CDH4: variants seen among roughly 807,000 people sequenced by gnomAD.
CDH4 encodes cadherin 4, also known as cadherin-4.
A neutral mutation model predicts 86.0 loss-of-function variants in CDH4; 33 were observed. That is an observed-to-expected ratio of 0.38 (90% confidence interval 0.29 to 0.51). The LOEUF (loss-of-function observed/expected upper bound fraction) is 0.51. Among genes scored for constraint, CDH4 ranks in the 20% least tolerant of loss-of-function variants. The pLI is 0.86. For missense variants in CDH4, 1,114 were observed against 1,307.4 expected, an observed-to-expected ratio of 0.85 and a Z score of 2.28; for synonymous variants, 555 against 549.4, an observed-to-expected ratio of 1.01 and a Z score of -0.14.
intron 2 of CDH4, among the ~76,000 whole-genome samples, chr20:61,336,295 T>C (rs1051042662): frequency 8.5e-5 from 13 of 152,178 alleles, no homozygotes; most frequent in African/African-American, 3.1e-4. Context: ...ATGAGTGATG[T>C]GTATAAAATA....
chr20:61,580,602 G>A (rs1430231109), intron 2 of CDH4, among the ~76,000 whole-genome samples: 7 of 151,626 alleles, frequency 4.6e-5, no homozygotes, highest in Admixed American at 4.0e-4. Context: ...CTTGCTGTGC[G>A]CTGAAGGCAG....
chr20:61,344,225 T>G (rs909533362), intron 2 of CDH4, among the ~76,000 whole-genome samples: 25 of 152,108 alleles, frequency 1.6e-4, no homozygotes, highest in Non-Finnish European at 3.7e-4. Flanking sequence ...GATGCTTTGT[T>G]TTTTGTGTGT....
Position 61,807,267 on chromosome 20 carries a change from A to G in CDH4, c.576+34085A>G, listed in dbSNP as rs905597697. Among the ~76,000 whole-genome samples the G allele has an allele frequency of 1.4e-4, 21 of 152,182 alleles. No individual in the cohort carries two copies. Among genetic ancestry groups the G allele is most frequent in the African/African-American group, 4.3e-4 (18 of 41,434 alleles). On this transcript the variant is annotated intron_variant, in intron 4 of 15. Transcript: ENST00000614565. The surrounding 1 kb of genome is among the most constrained non-coding windows in gnomAD (Gnocchi z 4.5). ...ATGTTGTAGAGACTGGGTGTTGTCC[A>G]GTCCATGGAGCTGTATTCAGAACCA...
chr20:61,457,639 T>C lies in CDH4; in HGVS notation c.169+202702T>C, dbSNP rs528303957. 1.8e-3 allele frequency among the ~76,000 whole-genome samples: 275 copies of C among 152,210 alleles called. 1 individual carries two copies. Among genetic ancestry groups the C allele is most frequent in the Admixed American group, 3.2e-3 (49 of 15,282 alleles). ...ACAGTGCTGGCACTGGTGGTGGTGA[T>C]GGTAAGATGGTCATGGTCATGATGA... On this transcript the variant is annotated intron_variant, in intron 2 of 15. Transcript: ENST00000614565.
At chr20:61,318,202 T>C (rs888024123) in intron 2 of CDH4, among the ~76,000 whole-genome samples, 4 of 152,136 alleles carry the variant, frequency 2.6e-5, no homozygotes, top group Non-Finnish European at 5.9e-5. Context: ...CCGGCTCCTG[T>C]TTAGACAGCA....
intron 4 of CDH4, among the ~76,000 whole-genome samples, chr20:61,816,260 T>C (rs988372374): frequency 2.0e-5 from 3 of 152,234 alleles, no homozygotes; most frequent in African/African-American, 7.2e-5. Context: ...CCCTCTGTGA[T>C]GTTCACAGAG....
intron 2 of CDH4, among the ~76,000 whole-genome samples, chr20:61,444,728 T>C (rs574946172): frequency 7.2e-5 from 11 of 152,060 alleles, no homozygotes; most frequent in African/African-American, 2.4e-4. Flanking sequence ...TGTGTATATG[T>C]ATGTGTGTTT....
At chr20:61,472,213 G>A (rs6121397) in intron 2 of CDH4, among the ~76,000 whole-genome samples, 2,153 of 152,204 alleles carry the variant, frequency 0.014, 53 homozygotes, top group African/African-American at 0.049. Context: ...ATTTATAATT[G>A]TTACAGCTGC....
chr20:61,771,738 A>G (rs1439341968), intron 3 of CDH4, among the ~76,000 whole-genome samples: 2 of 152,174 alleles, frequency 1.3e-5, no homozygotes, highest in African/African-American at 4.8e-5. Context: ...GTCTTAAAAG[A>G]GTAACTTTTA....
chr20:61,608,923 C>G (rs1031189491), intron 2 of CDH4, among the ~76,000 whole-genome samples: 16 of 152,156 alleles, frequency 1.1e-4, no homozygotes, highest in African/African-American at 3.4e-4. Flanking sequence ...TGCATTTGCT[C>G]TGTGGCACCT....
chr20:61,279,216 A>T (rs2084245731), intron 2 of CDH4, among the ~76,000 whole-genome samples: 1 of 152,220 alleles, frequency 6.6e-6, no homozygotes, highest in African/African-American at 2.4e-5. Flanking sequence ...GCCAGGCTCC[A>T]GAGGGACACG....
intron 2 of CDH4, among the ~76,000 whole-genome samples, chr20:61,380,494 G>A (rs984827023): frequency 3.9e-5 from 6 of 151,918 alleles, no homozygotes; most frequent in Non-Finnish European, 7.4e-5. Context: ...TCCCTTCCAC[G>A]GCGCTCCCAC....
At chr20:61,924,521 T>A (rs113810149) in intron 11 of CDH4, 45 bp downstream of exon 11, 11 of 1,589,118 alleles carry the variant, frequency 6.9e-6, no homozygotes, top group Non-Finnish European at 9.4e-6. Flanking sequence ...GGCCTTCCCG[T>A]GTCCTGGGTT....
At chr20:61,700,269 G>C (rs1260494262) in intron 2 of CDH4, among the ~76,000 whole-genome samples, 1 of 152,178 alleles carries the variant, frequency 6.6e-6, no homozygotes, top group African/African-American at 2.4e-5. Flanking sequence ...CGTCAGGGGA[G>C]CGCTCAGCAT....
At chr20:61,532,509 C>T (rs1218911770) in intron 2 of CDH4, among the ~76,000 whole-genome samples, 2 of 152,310 alleles carry the variant, frequency 1.3e-5, no homozygotes, top group Middle Eastern at 6.8e-3. Context: ...CATCTCACCA[C>T]CGTTCAGTAA....
At chr20:61,738,024 G>T (rs988712774) in intron 2 of CDH4, among the ~76,000 whole-genome samples, 3 of 152,142 alleles carry the variant, frequency 2.0e-5, no homozygotes, top group Admixed American at 6.5e-5. Flanking sequence ...TTCCATGCCT[G>T]TGGCTCTGGT....
chr20:61,882,714 G>T (rs1394861726), intron 7 of CDH4, among the ~76,000 whole-genome samples: 4 of 152,208 alleles, frequency 2.6e-5, no homozygotes, highest in African/African-American at 4.8e-5. Flanking sequence ...GAAAATGAAA[G>T]ACAAAAAGGC....
intron 2 of CDH4, among the ~76,000 whole-genome samples, chr20:61,525,156 A>G (rs2085901166): frequency 6.6e-6 from 1 of 152,100 alleles, no homozygotes; most frequent in African/African-American, 2.4e-5. Context: ...CCTAATGCCC[A>G]TTTGCTCAGT....
At chr20:61,398,626 A>G (rs1312024793) in intron 2 of CDH4, among the ~76,000 whole-genome samples, 2 of 151,774 alleles carry the variant, frequency 1.3e-5, no homozygotes, top group East Asian at 2.0e-4. Context: ...TGATTGGACA[A>G]GGCGCACCCA....
Sources: allele counts gnomAD v4.1 joint callset (sites outside exome capture counted in the v4.1 genomes callset), GRCh38; gene constraint gnomAD v4.1.1; non-coding constraint Gnocchi (gnomAD v3.1); transcripts MANE v1.5; gene names NCBI Gene and HGNC (gene_info 2026-07-23, HGNC 2026-07-21).